The following LCP1 variants were observed in gnomAD, a reference collection of about 807,000 sequenced individuals.
LCP1 encodes the protein plastin-2.
In LCP1, 23 loss-of-function variants were observed where a neutral mutation model predicts 72.0. The ratio of observed to expected loss-of-function variants is 0.32; its 90% CI spans 0.23 to 0.45. The LOEUF (loss-of-function observed/expected upper bound fraction) is 0.45, where lower values mean the gene tolerates loss of function less well. LCP1 is among the 20% of genes least tolerant of loss of function. The pLI is 1.00. For synonymous variants in LCP1, 245 were observed against 275.4 expected (o/e 0.89, Z 1.09); for missense variants, 571 against 748.3 (o/e 0.76, Z 2.76).
intron 1 of LCP1, among the ~76,000 whole-genome samples, chr13:46,170,350 C>T (rs1216499460): frequency 6.6e-6 from 1 of 152,266 alleles, no homozygotes; most frequent in Non-Finnish European, 1.5e-5. Context: ...TGCTGCCTAG[C>T]CCTACCTTGC....
chr13:46,158,118 T>G (rs1333611890), intron 4 of LCP1, among the ~76,000 whole-genome samples: 1 of 152,230 alleles, frequency 6.6e-6, no homozygotes, highest in East Asian at 1.9e-4. Context: ...GTTGGAAGTT[T>G]CCATTATGGC....
intron 4 of LCP1, among the ~76,000 whole-genome samples, chr13:46,157,954 T>C (rs2045813831): frequency 1.3e-5 from 2 of 152,120 alleles, no homozygotes. Context: ...CTTTAACTCC[T>C]GACCTCAGGT....
At chr13:46,138,742 G>C (rs1006907697) in intron 13 of LCP1, among the ~76,000 whole-genome samples, 1 of 152,110 alleles carries the variant, frequency 6.6e-6, no homozygotes, top group African/African-American at 2.4e-5. Flanking sequence ...TGCCTCCCAG[G>C]TTCAAGAGAT....
Position 46,145,908 on chromosome 13 carries a change from CAAAAAAAAAAAAAAAAAAAAAAAAA to C in LCP1, c.1174+975_1174+999del, listed in dbSNP as rs527364466. On this transcript the variant is annotated intron_variant, in intron 10 of 15. Transcript: ENST00000323076. ...TGGGCGACAGAGCGAGACTCCGTCT[CAAAAAAAAAAAAAAAAAAAAAAAAA>C]AAAAAAAAAAAAAGAGGGCAAACGG... is the stretch of plus-strand genomic sequence containing the variant. Among the ~76,000 whole-genome samples, 3 of 11,360 alleles carry C rather than the reference CAAAAAAAAAAAAAAAAAAAAAAAAA, an allele frequency of 2.6e-4. 1 individual carries two copies. In the Admixed American group the frequency reaches 6.7e-3, roughly 25 times the overall value. The allele number at this position is 11,360 out of a possible 152,430, so 7.5% of individuals were successfully genotyped here.
intron 15 of LCP1, among the ~76,000 whole-genome samples, chr13:46,128,762 AT>A (rs2045616781): frequency 6.6e-6 from 1 of 152,162 alleles, no homozygotes. Flanking sequence ...GCATCAGAAC[AT>A]TTTTGCTCTA....
intron 4 of LCP1, among the ~76,000 whole-genome samples, chr13:46,156,833 T>C (rs2045804580): frequency 1.3e-5 from 2 of 151,560 alleles, no homozygotes; most frequent in Non-Finnish European, 2.9e-5. Context: ...TTCTTTTTTT[T>C]TTTTTTGAGA....
intron 1 of LCP1, among the ~76,000 whole-genome samples, chr13:46,170,778 T>G (rs911538110): frequency 5.3e-5 from 8 of 152,234 alleles, no homozygotes; most frequent in African/African-American, 1.9e-4. Flanking sequence ...GGTCCTGTGT[T>G]AGATGCTGAG....
At chr13:46,150,399 T>C (rs1232348391) in intron 8 of LCP1, among the ~76,000 whole-genome samples, 2 of 152,200 alleles carry the variant, frequency 1.3e-5, no homozygotes, top group Non-Finnish European at 2.9e-5. Flanking sequence ...TATGGACCTC[T>C]TTGTCTCTTT....
intron 5 of LCP1, 119 bp from the exon 6 acceptor site, chr13:46,155,005 T>C: frequency 1.3e-6 from 1 of 760,942 alleles, no homozygotes; most frequent in Non-Finnish European, 2.2e-6. Context: ...ATCTGTGATG[T>C]TTAGATATAA....
Position 46,147,998 on chromosome 13 carries a change from C to T in LCP1, c.978+354G>A, listed in dbSNP as rs569696729. 1.4e-4 allele frequency among the ~76,000 whole-genome samples: 22 copies of T among 152,230 alleles called. No individual in the cohort carries two copies. The Middle Eastern group carries it at 0.01, about 71-fold the overall frequency. ...AGTGATATTAAATGAGGCACAGAAA[C>T]GGGCAAAGAGACTTCTCAAGATCAG... On this transcript the variant is annotated intron_variant, in intron 9 of 15. Transcript: ENST00000323076.
intron 10 of LCP1, among the ~76,000 whole-genome samples, chr13:46,144,945 G>A (rs1469723276): frequency 6.6e-6 from 1 of 152,186 alleles, no homozygotes; most frequent in African/African-American, 2.4e-5. Context: ...CTTGTCCTTG[G>A]ATAGCTAGCA....
chr13:46,128,693 T>A (rs548061206), intron 15 of LCP1, among the ~76,000 whole-genome samples: 1 of 152,252 alleles, frequency 6.6e-6, no homozygotes, highest in East Asian at 1.9e-4. Flanking sequence ...TTTATGGTAC[T>A]ATAATATAGA....
chr13:46,160,795 GA>G (rs761625155), intron 1 of LCP1, among the ~76,000 whole-genome samples: 1 of 152,154 alleles, frequency 6.6e-6, no homozygotes, highest in Non-Finnish European at 1.5e-5. Context: ...GTGCAGAGGG[GA>G]TAAGTGGAGT....
intron 1 of LCP1, among the ~76,000 whole-genome samples, chr13:46,177,029 T>C (rs2045934819): frequency 6.6e-6 from 1 of 152,168 alleles, no homozygotes; most frequent in Non-Finnish European, 1.5e-5. Flanking sequence ...ACATAGCTTT[T>C]CCTTCCGCCA....
chr13:46,181,501 G>C (rs770745740), intron 1 of LCP1, among the ~76,000 whole-genome samples: 2 of 152,084 alleles, frequency 1.3e-5, no homozygotes, highest in Admixed American at 6.5e-5. Flanking sequence ...TTTATTTTTA[G>C]AGAACAAATG....
intron 6 of LCP1, among the ~76,000 whole-genome samples, chr13:46,153,831 CAT>C (rs1379993713): frequency 6.6e-6 from 1 of 152,148 alleles, no homozygotes; most frequent in Non-Finnish European, 1.5e-5. Flanking sequence ...TATACACACA[CAT>C]ACTCATAGAT....
In LCP1 at chr13:46,151,090, C is replaced by A. The variant is rs557013973; in HGVS notation, c.740-12G>T. ...AAGAGCAATCAGAGCTGAAGAAGCA[C>A]AAAAACCACAGAAAAATAAATGCAG... On this transcript the variant is annotated splice_polypyrimidine_tract_variant and intron_variant, in intron 7 of 15. Transcript: ENST00000323076. 2.7e-5 allele frequency: 43 copies of A among 1,598,288 alleles called. No homozygotes were observed. In the African/African-American group the frequency reaches 4.6e-4, roughly 17 times the overall value.
At chr13:46,179,970 T>TTCTC (rs143449455) in intron 1 of LCP1, among the ~76,000 whole-genome samples, 2 of 151,130 alleles carry the variant, frequency 1.3e-5, no homozygotes, top group East Asian at 3.8e-4. Context: ...AAAGTTTTTC[T>TTCTC]TCTCTCTCTC....
intron 1 of LCP1, among the ~76,000 whole-genome samples, chr13:46,164,124 A>G (rs939555202): frequency 6.6e-6 from 1 of 152,214 alleles, no homozygotes; most frequent in Non-Finnish European, 1.5e-5. Context: ...AGGAGGACAA[A>G]CAAGATCTCT....
Sources: gnomAD v4.1 joint callset for allele counts (sites outside exome capture counted in the v4.1 genomes callset) on GRCh38, gnomAD v4.1.1 for gene constraint, MANE v1.5 for transcripts, NCBI Gene and HGNC (gene_info 2026-07-23, HGNC 2026-07-21) for gene names.